PTPRD: variants seen among roughly 807,000 people sequenced by gnomAD.
The protein encoded by PTPRD is protein tyrosine phosphatase receptor type D.
PTPRD carries 34 observed loss-of-function variants against 214.5 expected under a neutral mutation model. That is an observed-to-expected ratio of 0.16 (90% CI 0.12 to 0.21). The LOEUF is 0.21. Among genes scored for constraint, PTPRD ranks in the 10% least tolerant of loss-of-function variants. The pLI, the probability that PTPRD is intolerant of heterozygous loss-of-function variation, is 1.00. For synonymous variants in PTPRD, 1,128 were observed against 845.7 expected, an observed-to-expected ratio of 1.33 and a Z score of -5.79; for missense variants, 2,545 against 2,398.7, an observed-to-expected ratio of 1.06 and a Z score of -1.27.
At chr9:10,180,297 G>A (rs1457023876) in intron 3 of PTPRD, among the ~76,000 whole-genome samples, 1 of 151,968 alleles carries the variant, frequency 6.6e-6, no homozygotes, top group Admixed American at 6.6e-5. Context: ...GAAACAATAT[G>A]TCCACAGGAT....
At chr9:9,493,273 C>G (rs1043795634) in intron 8 of PTPRD, among the ~76,000 whole-genome samples, 10 of 152,114 alleles carry the variant, frequency 6.6e-5, no homozygotes, top group African/African-American at 2.4e-4. Flanking sequence ...ATTTGTTACA[C>G]TGTAGTACCA....
intron 6 of PTPRD, among the ~76,000 whole-genome samples, chr9:9,759,920 C>A (rs1196628260): frequency 6.6e-6 from 1 of 152,056 alleles, no homozygotes; most frequent in Non-Finnish European, 1.5e-5. Flanking sequence ...AACAAATATG[C>A]TCTATTCTTT....
At chr9:9,395,564 G>A (rs539108488) in intron 9 of PTPRD, among the ~76,000 whole-genome samples, 58 of 152,104 alleles carry the variant, frequency 3.8e-4, no homozygotes, top group African/African-American at 1.4e-3. Flanking sequence ...CAAGACTCTG[G>A]GTTTCAGAAT....
At chr9:9,935,566 G>C (rs2088922924) in intron 5 of PTPRD, among the ~76,000 whole-genome samples, 1 of 151,896 alleles carries the variant, frequency 6.6e-6, no homozygotes, top group Non-Finnish European at 1.5e-5. Context: ...AATGCTCAAG[G>C]AAATAAAAGA....
intron 3 of PTPRD, among the ~76,000 whole-genome samples, chr9:10,335,274 C>T (rs544093240): frequency 6.6e-6 from 1 of 151,790 alleles, no homozygotes; most frequent in South Asian, 2.1e-4. Flanking sequence ...CACCTAGAAA[C>T]AGACTCACAT....
intron 10 of PTPRD, among the ~76,000 whole-genome samples, chr9:9,176,829 G>C (rs1298269365): frequency 6.6e-6 from 1 of 152,102 alleles, no homozygotes; most frequent in Non-Finnish European, 1.5e-5. Context: ...AGAACCATGA[G>C]TCAAATAAAC....
chr9:10,335,547 T>C (rs994748388), intron 3 of PTPRD, among the ~76,000 whole-genome samples: 22 of 151,690 alleles, frequency 1.5e-4, no homozygotes, highest in Non-Finnish European at 8.8e-5. Flanking sequence ...ATGATGACAT[T>C]AGATAGAACA....
chr9:9,922,070 T>A (rs555831636), intron 5 of PTPRD, among the ~76,000 whole-genome samples: 6 of 152,108 alleles, frequency 3.9e-5, no homozygotes, highest in African/African-American at 1.4e-4. Context: ...GAGAAAGTAC[T>A]GCCTATATGC....
chr9:8,818,120 T>A (rs2096959877), intron 11 of PTPRD, among the ~76,000 whole-genome samples: 1 of 152,160 alleles, frequency 6.6e-6, no homozygotes, highest in Non-Finnish European at 1.5e-5. Flanking sequence ...ACTGTATAAA[T>A]CAAGATTATC....
At chr9:8,648,923 T>C (rs545929232) in intron 12 of PTPRD, among the ~76,000 whole-genome samples, 104 of 152,314 alleles carry the variant, frequency 6.8e-4, no homozygotes, top group African/African-American at 2.4e-3. Flanking sequence ...ATTTATCACA[T>C]TAGATGTGCT....
chr9:9,102,374 G>T lies in PTPRD; in HGVS notation c.-143+80930C>A, dbSNP rs558110203. ...AGTAGGGGTGATGATCTAAACAGAA[G>T]AAAATGGCCAGTTTGAGCCATTGAA... On this transcript the variant is annotated intron_variant, in intron 10 of 45. Transcript: ENST00000381196. Among the ~76,000 whole-genome samples the T allele has an allele frequency of 1.9e-4, 29 of 152,294 alleles. No individual in the cohort carries two copies. The South Asian group carries it at 5.8e-3, about 30-fold the overall frequency.
At chr9:10,607,710 T>C (rs1295809472) in intron 2 of PTPRD, among the ~76,000 whole-genome samples, 1 of 151,966 alleles carries the variant, frequency 6.6e-6, no homozygotes, top group Non-Finnish European at 1.5e-5. Context: ...GTTTCCAATT[T>C]CATCAGTTAT....
intron 11 of PTPRD, among the ~76,000 whole-genome samples, chr9:9,007,516 C>T (rs1221293071): frequency 6.6e-6 from 1 of 151,718 alleles, no homozygotes; most frequent in Admixed American, 6.6e-5. Flanking sequence ...TTCTAAAATA[C>T]TCCAATAAAC....
chr9:10,142,148 T>C (rs2098990269), intron 3 of PTPRD, among the ~76,000 whole-genome samples: 1 of 152,146 alleles, frequency 6.6e-6, no homozygotes, highest in Non-Finnish European at 1.5e-5. Context: ...GACTTGAATG[T>C]TAGACCTAAA....
intron 9 of PTPRD, among the ~76,000 whole-genome samples, chr9:9,231,510 C>T (rs1569564907): frequency 1.3e-5 from 2 of 152,186 alleles, no homozygotes; most frequent in South Asian, 4.2e-4. Flanking sequence ...CAATTGAGTA[C>T]CATTAAAGTA....
intron 4 of PTPRD, among the ~76,000 whole-genome samples, chr9:10,032,527 C>T (rs1367775022): frequency 6.6e-6 from 1 of 152,154 alleles, no homozygotes. Context: ...TCCCTGGGGA[C>T]TCTTCTATGT....
chr9:10,038,413 T>A (rs1456925503), intron 3 of PTPRD, among the ~76,000 whole-genome samples: 2 of 152,128 alleles, frequency 1.3e-5, no homozygotes, highest in African/African-American at 2.4e-5. Context: ...AAATATCCAA[T>A]TACCTTTATT....
intron 2 of PTPRD, among the ~76,000 whole-genome samples, chr9:10,583,695 G>A (rs965836926): frequency 1.3e-5 from 2 of 151,786 alleles, no homozygotes; most frequent in African/African-American, 4.8e-5. Context: ...AGTCAGGATG[G>A]TCTCGATCTC....
chr9:8,349,398 C>G (rs1218064892), intron 39 of PTPRD, among the ~76,000 whole-genome samples: 1 of 152,030 alleles, frequency 6.6e-6, no homozygotes, highest in South Asian at 2.1e-4. Flanking sequence ...TTTTTGTTCA[C>G]CCATCAGTAT....
Sources: gnomAD v4.1 joint callset for allele counts (sites outside exome capture counted in the v4.1 genomes callset) on GRCh38, gnomAD v4.1.1 for gene constraint, MANE v1.5 for transcripts, NCBI Gene and HGNC (gene_info 2026-07-23, HGNC 2026-07-21) for gene names.